Variants in PPFIA1 observed in about 807,000 individuals in gnomAD.
PPFIA1 encodes PPFI scaffold protein A1.
A neutral mutation model predicts 149.9 loss-of-function variants in PPFIA1; 25 were observed. That is an observed-to-expected ratio of 0.17 (90% CI 0.12 to 0.23). PPFIA1 has a LOEUF of 0.23. Among genes scored for constraint, PPFIA1 ranks in the 10% least tolerant of loss-of-function variants. PPFIA1 has a pLI of 1.00. For synonymous variants in PPFIA1, 549 were observed against 552.8 expected (o/e 0.99, Z 0.10); for missense variants, 1,362 against 1,506.5 (o/e 0.90, Z 1.59).
At chr11:70,352,350 C>T (rs925058254) in intron 16 of PPFIA1, among the ~76,000 whole-genome samples, 2 of 152,224 alleles carry the variant, frequency 1.3e-5, no homozygotes, top group African/African-American at 4.8e-5. Flanking sequence ...CCAGCAGCAA[C>T]AAGACACAGA....
At chr11:70,329,661 T>G (rs1336665123) in intron 7 of PPFIA1, among the ~76,000 whole-genome samples, 1 of 152,208 alleles carries the variant, frequency 6.6e-6, no homozygotes, top group Non-Finnish European at 1.5e-5. Context: ...GGCTCACGCC[T>G]GTAATCCTAA....
At chr11:70,288,374 C>CTCTGCTT (rs1284403708) in intron 2 of PPFIA1, among the ~76,000 whole-genome samples, 5 of 152,244 alleles carry the variant, frequency 3.3e-5, no homozygotes, top group African/African-American at 1.2e-4. Context: ...CCGGCCTCCC[C>CTCTGCTT]TCTGCTTTTT....
Position 70,325,520 on chromosome 11 carries a change from A to G in PPFIA1, c.552A>G (p.Val184=). The change falls in exon 5 of 28, where the codon GTA becomes GTG. Residue 184 remains valine (V), a synonymous_variant. Coordinates refer to ENST00000253925, the MANE Select transcript of PPFIA1 (RefSeq NM_003626.5). ...TTCAGGTGAGAGAGCGATTACGAGTAGCACTTGAAAGATGTAGTTTGTTAG... is the reference window on the plus strand; with the variant it reads ...TTCAGGTGAGAGAGCGATTACGAGTGGCACTTGAAAGATGTAGTTTGTTAG... ...LDEKVRERLR[V]ALERCSLLEE... The G allele has an allele frequency of 6.3e-7, 1 of 1,593,204 alleles. No homozygotes were observed. The highest frequency in any genetic ancestry group is 8.6e-7 in the Non-Finnish European group (1 of 1,161,032).
intron 16 of PPFIA1, chr11:70,351,040 T>C: frequency 8.3e-7 from 1 of 1,211,564 alleles, no homozygotes; most frequent in African/African-American, 1.6e-5. Context: ...TGTTTAGTAA[T>C]TTAACATATC....
chr11:70,295,898 G>A (rs1276753509), intron 2 of PPFIA1, among the ~76,000 whole-genome samples: 95 of 149,856 alleles, frequency 6.3e-4, no homozygotes, highest in African/African-American at 2.0e-3. Flanking sequence ...GGCGGCTGCC[G>A]GGCGGAGGGT....
intron 7 of PPFIA1, chr11:70,327,024 T>C: frequency 1.8e-6 from 1 of 545,860 alleles, no homozygotes; most frequent in Non-Finnish European, 3.2e-6. Context: ...CTCCTGTCCC[T>C]GAGCTCTTCA....
Position 70,363,661 on chromosome 11 carries a change from G to A in PPFIA1, c.2865+1173G>A, listed in dbSNP as rs191220507. Among the ~76,000 whole-genome samples the A allele has an allele frequency of 1.1e-4, 17 of 152,124 alleles. No individual in the cohort carries two copies. In the East Asian group the frequency reaches 3.1e-3, roughly 28 times the overall value. On this transcript the variant is annotated intron_variant, in intron 21 of 27. Transcript: ENST00000253925. ...CCCAAGTAGTTGGGACTACAGGTGT[G>A]CACCACCACACCCAGCTAATTTCTA...
chr11:70,345,824 T>C (rs933508154), intron 15 of PPFIA1: 2 of 229,992 alleles, frequency 8.7e-6, no homozygotes, highest in African/African-American at 2.3e-5. Context: ...GAGATCTGTC[T>C]CAAAAAATAT....
intron 23 of PPFIA1, chr11:70,373,261 A>G (rs1431448139): frequency 6.6e-6 from 1 of 152,454 alleles, no homozygotes; most frequent in African/African-American, 2.4e-5. Context: ...CTTGCTCTGT[A>G]GCCCAGGCTA....
At chr11:70,336,543 T>C (rs1409915648) in intron 11 of PPFIA1, among the ~76,000 whole-genome samples, 1 of 151,970 alleles carries the variant, frequency 6.6e-6, no homozygotes, top group Non-Finnish European at 1.5e-5. Context: ...GTCTCATTTA[T>C]AAATAGGTCA....
chr11:70,336,505 CAAA>C (rs10640266), intron 11 of PPFIA1, among the ~76,000 whole-genome samples: 3 of 123,170 alleles, frequency 2.4e-5, no homozygotes, highest in African/African-American at 2.8e-5. Flanking sequence ...GATCCTGTTT[CAAA>C]AAAAAAAAAA....
At position 70,336,228 on chromosome 11, in the gene PPFIA1, C is replaced by T. The variant is rs185830694; in HGVS notation, c.1428+534C>T. ...CATTGGAAGTTAATTTCTGGCTGGG[C>T]GTGGTGGCTCACGTCTGTAATCCCA... On this transcript the variant is annotated intron_variant, in intron 11 of 27. Coordinates refer to ENST00000253925, the MANE Select transcript of PPFIA1 (RefSeq NM_003626.5). 2.1e-3 allele frequency among the ~76,000 whole-genome samples: 321 copies of T among 152,214 alleles called. 3 individuals carry two copies. Among genetic ancestry groups the T allele is most frequent in the African/African-American group, 7.2e-3 (299 of 41,534 alleles).
At chr11:70,377,983 C>T in intron 25 of PPFIA1, 47 bp from the exon 26 acceptor site, 5 of 1,458,504 alleles carry the variant, frequency 3.4e-6, no homozygotes, top group Non-Finnish European at 4.8e-6. Context: ...ACATCTCTGA[C>T]CTTTATTTTT....
At chr11:70,359,736 GCAC>G (rs1290705327) in intron 19 of PPFIA1, among the ~76,000 whole-genome samples, 1 of 152,194 alleles carries the variant, frequency 6.6e-6, no homozygotes, top group Non-Finnish European at 1.5e-5. Flanking sequence ...ATTATAAAAT[GCAC>G]AACATTATTC....
At chr11:70,308,426 T>G (rs2053023937) in intron 2 of PPFIA1, among the ~76,000 whole-genome samples, 1 of 152,238 alleles carries the variant, frequency 6.6e-6, no homozygotes. Flanking sequence ...ATTCATTGAT[T>G]TTTTGGCACA....
intron 17 of PPFIA1, 109 bp from the exon 18 acceptor site, chr11:70,355,529 GA>G (rs2137359694): frequency 9.5e-7 from 1 of 1,052,288 alleles, no homozygotes; most frequent in South Asian, 1.7e-5. Flanking sequence ...ACTTGGTGAG[GA>G]AGATGTGTGT....
intron 2 of PPFIA1, among the ~76,000 whole-genome samples, chr11:70,310,749 C>T (rs2053212436): frequency 6.6e-6 from 1 of 152,144 alleles, no homozygotes; most frequent in Admixed American, 6.6e-5. Context: ...GAAAACCCCA[C>T]TCTGTTTTTG....
intron 2 of PPFIA1, chr11:70,279,346 C>T (rs1210293866): frequency 2.5e-5 from 5 of 203,650 alleles, no homozygotes; most frequent in Non-Finnish European, 4.9e-5. Context: ...AAGGACTAAT[C>T]AGACACACAG....
chr11:70,302,801 A>G (rs1479992887), intron 2 of PPFIA1, among the ~76,000 whole-genome samples: 1 of 141,174 alleles, frequency 7.1e-6, no homozygotes, highest in Non-Finnish European at 1.5e-5. Context: ...AAGACATGTG[A>G]TCCCAGTATG....
Sources: allele counts gnomAD v4.1 joint callset (sites outside exome capture counted in the v4.1 genomes callset), GRCh38; gene constraint gnomAD v4.1.1; transcripts MANE v1.5; gene names NCBI Gene and HGNC (gene_info 2026-07-23, HGNC 2026-07-21).